LHFPL3: variants seen among roughly 807,000 people sequenced by gnomAD.
LHFPL3 encodes the protein LHFPL tetraspan subfamily member 3 protein.
In LHFPL3, 5 loss-of-function variants were observed where a neutral mutation model predicts 19.3. The observed-to-expected ratio is 0.26, with a 90% CI of 0.14 to 0.54. The LOEUF (loss-of-function observed/expected upper bound fraction) is 0.54. Ranked by LOEUF, LHFPL3 falls within the 20% of genes least tolerant of loss-of-function variation. LHFPL3 has a pLI of 0.94. For synonymous variants in LHFPL3, 133 were observed against 126.2 expected (o/e 1.05, Z -0.36); for missense variants, 249 against 307.4 (o/e 0.81, Z 1.42).
At chr7:104,353,664 G>A (rs954691230) in intron 1 of LHFPL3, among the ~76,000 whole-genome samples, 14 of 152,184 alleles carry the variant, frequency 9.2e-5, no homozygotes, top group African/African-American at 1.4e-4. Flanking sequence ...CTAATAGGGC[G>A]GGAAGATTGT....
At chr7:104,660,433 A>AC (rs1562960093) in intron 1 of LHFPL3, among the ~76,000 whole-genome samples, 1 of 152,020 alleles carries the variant, frequency 6.6e-6, no homozygotes, top group African/African-American at 2.4e-5. Context: ...AAAATAATGG[A>AC]TTTTTTCCTC....
intron 1 of LHFPL3, among the ~76,000 whole-genome samples, chr7:104,367,545 C>G (rs142751530): frequency 1.5e-4 from 23 of 151,992 alleles, no homozygotes; most frequent in Admixed American, 1.3e-4. Flanking sequence ...GGGTATAGAT[C>G]GTCAGATGTT....
At chr7:104,717,516 A>G (rs1211126595) in intron 1 of LHFPL3, among the ~76,000 whole-genome samples, 1 of 152,214 alleles carries the variant, frequency 6.6e-6, no homozygotes, top group Admixed American at 6.5e-5. Context: ...ATGTTTCTCA[A>G]AAGAAGACAT....
At chr7:104,880,899 G>C (rs528818977) in intron 2 of LHFPL3, among the ~76,000 whole-genome samples, 4 of 152,060 alleles carry the variant, frequency 2.6e-5, no homozygotes, top group Non-Finnish European at 5.9e-5. Flanking sequence ...GGCCAGGCGC[G>C]GTGGCTCATG....
intron 1 of LHFPL3, among the ~76,000 whole-genome samples, chr7:104,357,688 G>C (rs917813989): frequency 1.3e-5 from 2 of 152,150 alleles, no homozygotes; most frequent in African/African-American, 4.8e-5. Flanking sequence ...AGGGTAAGCT[G>C]TCAGGAAGGG....
chr7:104,436,716 C>T lies in LHFPL3; in HGVS notation c.445+107492C>T, dbSNP rs548756359. 3.9e-5 allele frequency among the ~76,000 whole-genome samples: 6 copies of T among 152,300 alleles called. No individual in the cohort carries two copies. The South Asian group carries it at 1.2e-3, about 32-fold the overall frequency. On this transcript the variant is annotated intron_variant, in intron 1 of 2. Coordinates refer to ENST00000424859, the MANE Select transcript of LHFPL3 (RefSeq NM_199000.3). Reference sequence around the variant, plus strand: ...TAGCTGCATTTACTAAATCATGATGCTCAGACTTTTTGCCCATGCATTATT... The same window carrying T: ...TAGCTGCATTTACTAAATCATGATGTTCAGACTTTTTGCCCATGCATTATT...
At chr7:104,461,727 A>G (rs564529121) in intron 1 of LHFPL3, among the ~76,000 whole-genome samples, 2 of 151,902 alleles carry the variant, frequency 1.3e-5, no homozygotes, top group East Asian at 3.9e-4. Context: ...GTTCTTGGTT[A>G]TTTGGGCTCT....
chr7:104,541,708 C>T (rs1425192861), intron 1 of LHFPL3, among the ~76,000 whole-genome samples: 1 of 152,124 alleles, frequency 6.6e-6, no homozygotes, highest in Non-Finnish European at 1.5e-5. Context: ...AATATAGTAA[C>T]ATGCTTCTGT....
intron 2 of LHFPL3, chr7:104,845,540 T>G (rs1357685866): frequency 1.5e-6 from 2 of 1,311,442 alleles, no homozygotes; most frequent in Admixed American, 5.4e-5. Context: ...CGCTTAGCAC[T>G]TGAGCCGCAT....
At chr7:104,523,476 A>T (rs1794120106) in intron 1 of LHFPL3, among the ~76,000 whole-genome samples, 1 of 152,200 alleles carries the variant, frequency 6.6e-6, no homozygotes, top group African/African-American at 2.4e-5. Flanking sequence ...TATGAAGTAA[A>T]ATACAATTTG....
At chr7:104,525,092 T>C (rs1208655220) in intron 1 of LHFPL3, among the ~76,000 whole-genome samples, 1 of 152,166 alleles carries the variant, frequency 6.6e-6, no homozygotes, top group African/African-American at 2.4e-5. Flanking sequence ...AAAGTAATAG[T>C]GGGTGTGTTT....
intron 1 of LHFPL3, among the ~76,000 whole-genome samples, chr7:104,479,636 C>T (rs1793092949): frequency 6.6e-6 from 1 of 152,296 alleles, no homozygotes; most frequent in East Asian, 1.9e-4. Flanking sequence ...ATGTGATCCA[C>T]CTGCCTCGGC....
intron 1 of LHFPL3, chr7:104,669,109 T>G: frequency 6.2e-7 from 1 of 1,612,736 alleles, no homozygotes; most frequent in Non-Finnish European, 8.5e-7. Flanking sequence ...GGAGGAAGAT[T>G]GCCACTCTCC....
At chr7:104,901,919 G>A (rs764362560) in intron 2 of LHFPL3, among the ~76,000 whole-genome samples, 5 of 152,050 alleles carry the variant, frequency 3.3e-5, no homozygotes, top group African/African-American at 4.8e-5. Flanking sequence ...CCCTGCAAGT[G>A]AGCTCCTTAA....
chr7:104,658,371 A>T (rs1216310202), intron 1 of LHFPL3, among the ~76,000 whole-genome samples: 1 of 151,650 alleles, frequency 6.6e-6, no homozygotes, highest in Non-Finnish European at 1.5e-5. Flanking sequence ...TCTCCAGTCC[A>T]ACTTTGAAAA....
chr7:104,430,417 TAC>T (rs1416356544), intron 1 of LHFPL3, among the ~76,000 whole-genome samples: 138 of 22,488 alleles, frequency 6.1e-3, no homozygotes, highest in African/African-American at 0.023. Flanking sequence ...TATATATATA[TAC>T]ATATATATAT....
chr7:104,488,966 G>A (rs1038780374), intron 1 of LHFPL3, among the ~76,000 whole-genome samples: 1 of 151,736 alleles, frequency 6.6e-6, no homozygotes, highest in African/African-American at 2.4e-5. Context: ...TCATGGGCAT[G>A]TGACCCGTGT....
intron 2 of LHFPL3, among the ~76,000 whole-genome samples, chr7:104,860,178 C>CCACACACACACACACACACACA (rs10534227): frequency 7.8e-6 from 1 of 128,874 alleles, no homozygotes; most frequent in Non-Finnish European, 1.8e-5. Flanking sequence ...ATACACCCAC[C>CCACACACACACACACACACACA]CACACACACA....
At chr7:104,756,771 A>AT (rs1423109936) in intron 2 of LHFPL3, among the ~76,000 whole-genome samples, 2 of 152,324 alleles carry the variant, frequency 1.3e-5, no homozygotes, top group East Asian at 3.9e-4. Flanking sequence ...AAATGCTGGG[A>AT]TTACAGGCAT....
Sources: gnomAD v4.1 joint callset for allele counts (sites outside exome capture counted in the v4.1 genomes callset) on GRCh38, gnomAD v4.1.1 for gene constraint, MANE v1.5 for transcripts, NCBI Gene and HGNC (gene_info 2026-07-23, HGNC 2026-07-21) for gene names.